ZNF185: variants seen among roughly 807,000 people sequenced by gnomAD.
The protein encoded by ZNF185 is zinc finger protein 185.
A neutral mutation model predicts 58.6 loss-of-function variants in ZNF185; 56 were observed. The ratio of observed to expected loss-of-function variants is 0.95; its 90% confidence interval spans 0.77 to 1.19. The LOEUF (loss-of-function observed/expected upper bound fraction) is 1.19, where lower values mean the gene tolerates loss of function less well. Ranked by LOEUF, ZNF185 falls within the 50% of genes most tolerant of loss-of-function variation. The probability of loss-of-function intolerance (pLI) is 0.00; values close to 1 mark genes in which losing one functional copy is unlikely to be tolerated. For synonymous variants in ZNF185, 230 were observed against 215.9 expected (o/e 1.07, Z -0.57); for missense variants, 627 against 573.5 (o/e 1.09, Z -0.95).
At chrX:152,956,866 T>C (rs114455476) in intron 16 of ZNF185, among the ~76,000 whole-genome samples, 3,813 of 112,443 alleles carry the variant, frequency 0.034, 154 homozygotes, top group African/African-American at 0.12. Context: ...TAAAACCTTA[T>C]AGACAAATGT....
intron 16 of ZNF185, among the ~76,000 whole-genome samples, chrX:152,959,055 G>A (rs11094602): frequency 0.034 from 3,780 of 112,723 alleles, 144 homozygotes; most frequent in African/African-American, 0.11. Context: ...CAGCAGTCCC[G>A]GTTCCTGCCG....
chrX:152,899,748 T>C, the ZNF185 span, among the ~76,000 whole-genome samples: 2 of 112,028 alleles, frequency 1.8e-5, no homozygotes, highest in African/African-American at 6.5e-5. Context: ...CACCCCTGGC[T>C]GGGAAGATCA....
chrX:152,966,072 A>G (rs1244665859), intron 19 of ZNF185, among the ~76,000 whole-genome samples: 1 of 109,712 alleles, frequency 9.1e-6, no homozygotes, highest in Non-Finnish European at 1.9e-5. Flanking sequence ...CAGTGGCGCC[A>G]TCTCAGCTCA....
chrX:152,917,180 G>GCA lies in ZNF185; in HGVS notation c.263+12_263+13dup. 1.7e-6 allele frequency: 2 copies of GCA among 1,211,380 alleles called. No individual in the cohort carries two copies. Among genetic ancestry groups the GCA allele is most frequent in the Non-Finnish European group, 2.2e-6 (2 of 895,422 alleles). ...TGGCTACATCATCCGGTAAGTGACC[G>GCA]CAGGACTCTGCCGGCCTTCCTGTGC... On this transcript the variant is annotated intron_variant, in intron 4 of 22. Coordinates refer to ENST00000449285, the Ensembl canonical transcript of ZNF185.
intron 18 of ZNF185, among the ~76,000 whole-genome samples, chrX:152,964,725 G>A (rs1696305612): frequency 4.5e-5 from 5 of 111,119 alleles, no homozygotes; most frequent in South Asian, 7.8e-4. Context: ...GTGCAGGAAG[G>A]GATGTCACTG....
At chrX:152,932,778 T>C in intron 13 of ZNF185, 95 bp from the exon 15 acceptor site, 1 of 605,813 alleles carries the variant, frequency 1.7e-6, no homozygotes, top group South Asian at 2.6e-5. Flanking sequence ...GCCAAAGGCC[T>C]GTGCTTCTGG....
At chrX:152,938,117 A>T in exon 15 of ZNF185, 1 of 1,186,386 alleles carries the variant, frequency 8.4e-7, no homozygotes, top group Admixed American at 2.4e-5. Context: ...TGATAGGAAG[A>T]GCAACAGCAC....
chrX:152,898,565 GACTGCA>G, the ZNF185 span, among the ~76,000 whole-genome samples: 6 of 112,382 alleles, frequency 5.3e-5, no homozygotes, highest in African/African-American at 1.9e-4. Context: ...TCTGAGAGTT[GACTGCA>G]GGCCTTTAAG....
chrX:152,904,784 C>T, the ZNF185 span, among the ~76,000 whole-genome samples: 1 of 112,059 alleles, frequency 8.9e-6, no homozygotes, highest in East Asian at 2.8e-4. Context: ...GGCTTTTGAC[C>T]TTAGCCCCCT....
At chrX:152,925,023 T>C (rs1206245373) in intron 11 of ZNF185, among the ~76,000 whole-genome samples, 10 of 112,212 alleles carry the variant, frequency 8.9e-5, no homozygotes, top group Non-Finnish European at 7.5e-5. Context: ...CTGGGCATGG[T>C]GGCTCATGCC....
exon 16 of ZNF185, chrX:152,945,387 A>G: frequency 8.3e-7 from 1 of 1,207,857 alleles, no homozygotes; most frequent in Non-Finnish European, 1.1e-6. Flanking sequence ...AGCAACCTGC[A>G]GATCCCAGCA....
rs375208691 is a variant in ZNF185 at position 152,939,407 on chromosome X, A to C, written c.1211+1244A>C. On this transcript the variant is annotated intron_variant, in intron 15 of 22. Coordinates refer to ENST00000449285, the Ensembl canonical transcript of ZNF185. ...AGGTGGGAAACTGAAGCATAGAAAGATTAAGTGACTTAGCCAAGGCCTTAC... is the reference window on the plus strand; with the variant it reads ...AGGTGGGAAACTGAAGCATAGAAAGCTTAAGTGACTTAGCCAAGGCCTTAC... 2.8e-4 allele frequency among the ~76,000 whole-genome samples: 31 copies of C among 112,255 alleles called. 1 individual carries two copies. Among genetic ancestry groups the C allele is most frequent in the East Asian group, 1.1e-3 (4 of 3,590 alleles).
At chrX:152,937,235 C>T (rs182222244) in intron 14 of ZNF185, among the ~76,000 whole-genome samples, 1 of 111,997 alleles carries the variant, frequency 8.9e-6, no homozygotes, top group Non-Finnish European at 1.9e-5. Context: ...TGGAAGAACA[C>T]TCGAGAGATA....
At chrX:152,898,269 C>A in the ZNF185 span, among the ~76,000 whole-genome samples, 32 of 112,308 alleles carry the variant, frequency 2.8e-4, no homozygotes, top group South Asian at 0.01. Context: ...TTGGATGCGG[C>A]CCTGCTTGGA....
intron 11 of ZNF185, among the ~76,000 whole-genome samples, chrX:152,924,835 C>T (rs7060873): frequency 0.2 from 22,390 of 111,325 alleles, 1,668 homozygotes; most frequent in South Asian, 0.3. Flanking sequence ...CAGGTGCACG[C>T]GACCACGCCC....
chrX:152,966,840 T>C (rs1214523157), intron 19 of ZNF185, among the ~76,000 whole-genome samples: 4 of 111,372 alleles, frequency 3.6e-5, no homozygotes, highest in African/African-American at 1.3e-4. Context: ...TCATTCCCAG[T>C]ATCTGATTTC....
chrX:152,948,386 C>G (rs67782603), intron 16 of ZNF185, among the ~76,000 whole-genome samples: 25,749 of 110,543 alleles, frequency 0.23, 2,277 homozygotes, highest in South Asian at 0.39. Flanking sequence ...GGGAAGGTTT[C>G]CTATAGGTGA....
exon 23 of ZNF185, chrX:152,972,774 G>T (rs956654707): frequency 1.8e-5 from 2 of 111,699 alleles, no homozygotes; most frequent in African/African-American, 6.5e-5. Flanking sequence ...CTCTGCTCAG[G>T]TTCAGCTGGA....
chrX:152,901,759 C>T, the ZNF185 span, among the ~76,000 whole-genome samples: 3 of 111,155 alleles, frequency 2.7e-5, no homozygotes, highest in Non-Finnish European at 3.8e-5. Context: ...CTGTGTTGGG[C>T]GCTGGGGCAC....
Sources: gnomAD v4.1 joint callset for allele counts (sites outside exome capture counted in the v4.1 genomes callset) on GRCh38, gnomAD v4.1.1 for gene constraint, MANE v1.5 for transcripts, NCBI Gene and HGNC (gene_info 2026-07-23, HGNC 2026-07-21) for gene names.